The following MAF variants were observed in gnomAD, a reference collection of about 807,000 sequenced individuals.
MAF encodes the protein transcription factor Maf.
In MAF, 10 loss-of-function variants were observed where a neutral mutation model predicts 22.0. That is an observed-to-expected ratio of 0.45 (90% CI 0.28 to 0.77). The LOEUF is 0.77. Ranked by LOEUF, MAF falls within the 30% of genes least tolerant of loss-of-function variation. MAF has a pLI of 0.12. For synonymous variants in MAF, 337 were observed against 255.8 expected, an observed-to-expected ratio of 1.32 and a Z score of -3.03; for missense variants, 544 against 548.4, an observed-to-expected ratio of 0.99 and a Z score of 0.08.
the MAF span, among the ~76,000 whole-genome samples, chr16:79,278,110 A>G: frequency 1.3e-5 from 2 of 152,144 alleles, no homozygotes; most frequent in African/African-American, 4.8e-5. Context: ...CTTTCCTTTC[A>G]ACAGGACACA....
At chr16:79,288,609 G>T in the MAF span, among the ~76,000 whole-genome samples, 2 of 152,340 alleles carry the variant, frequency 1.3e-5, no homozygotes, top group Admixed American at 1.3e-4. Flanking sequence ...TTTTGGGAAG[G>T]TGTTGTTATA....
the MAF span, among the ~76,000 whole-genome samples, chr16:79,275,679 T>C: frequency 6.6e-6 from 1 of 152,220 alleles, no homozygotes; most frequent in African/African-American, 2.4e-5. Flanking sequence ...TGCTGCTTTT[T>C]TTATTTGGAA....
At chr16:79,560,735 A>G in the MAF span, among the ~76,000 whole-genome samples, 11 of 152,248 alleles carry the variant, frequency 7.2e-5, no homozygotes, top group Middle Eastern at 3.4e-3. Context: ...GAAATTGGCT[A>G]CTCATCCAGA....
chr16:79,204,604 C>T, the MAF span: 1 of 152,156 alleles, frequency 6.6e-6, no homozygotes, highest in Non-Finnish European at 1.5e-5. Context: ...GGGCTTCACT[C>T]GTTTCATGGA....
At chr16:79,484,829 A>G in the MAF span, among the ~76,000 whole-genome samples, 3 of 152,262 alleles carry the variant, frequency 2.0e-5, no homozygotes, top group South Asian at 2.1e-4. Flanking sequence ...GTGTGAATGC[A>G]TTTTCACTAA....
the MAF span, among the ~76,000 whole-genome samples, chr16:79,276,089 C>T: frequency 4.0e-5 from 6 of 151,640 alleles, no homozygotes; most frequent in African/African-American, 1.2e-4. Context: ...TGCAGTGAGC[C>T]GAGATCGTGC....
the MAF span, among the ~76,000 whole-genome samples, chr16:79,367,515 T>C: frequency 6.6e-6 from 1 of 152,162 alleles, no homozygotes; most frequent in Non-Finnish European, 1.5e-5. Context: ...CTGATGCTTG[T>C]CAAGTGGTGG....
chr16:79,213,065 G>T, the MAF span, among the ~76,000 whole-genome samples: 1 of 152,206 alleles, frequency 6.6e-6, no homozygotes, highest in African/African-American at 2.4e-5. Context: ...GAGAATGGGA[G>T]CTGTGCAGAA....
chr16:79,334,439 T>A, the MAF span, among the ~76,000 whole-genome samples: 3 of 152,126 alleles, frequency 2.0e-5, no homozygotes, highest in African/African-American at 7.2e-5. Context: ...GGGCGCTGAC[T>A]GAGATTGTGC....
chr16:79,598,618 C>A, intron 1 of MAF, 167 bp downstream of exon 1: 2 of 1,379,396 alleles, frequency 1.4e-6, no homozygotes, highest in Non-Finnish European at 1.9e-6. Flanking sequence ...GTGGTGTGTG[C>A]GTGCGGGTTT....
At chr16:79,330,093 G>A in the MAF span, among the ~76,000 whole-genome samples, 2,509 of 152,184 alleles carry the variant, frequency 0.016, 17 homozygotes, top group Middle Eastern at 0.037. Context: ...TTTTCATACC[G>A]ATTTATTCAA....
chr16:79,522,413 A>T, the MAF span, among the ~76,000 whole-genome samples: 1 of 152,196 alleles, frequency 6.6e-6, no homozygotes, highest in South Asian at 2.1e-4. Flanking sequence ...CAGAGCTGCT[A>T]AAGGAGTTGT....
At chr16:79,353,590 G>T in the MAF span, among the ~76,000 whole-genome samples, 19 of 152,224 alleles carry the variant, frequency 1.2e-4, no homozygotes, top group South Asian at 3.7e-3. Flanking sequence ...AGCACCTGTT[G>T]TATATCATGT....
the MAF span, among the ~76,000 whole-genome samples, chr16:79,476,174 T>C: frequency 6.6e-6 from 1 of 152,096 alleles, no homozygotes; most frequent in Admixed American, 6.5e-5. Flanking sequence ...GGGAGTTCTG[T>C]CAATAACCAC....
chr16:79,372,912 C>T, the MAF span, among the ~76,000 whole-genome samples: 6 of 152,212 alleles, frequency 3.9e-5, no homozygotes, highest in African/African-American at 1.2e-4. Flanking sequence ...CTTTCTAGAA[C>T]ATTCTTTCCT....
chr16:79,216,959 G>A, the MAF span, among the ~76,000 whole-genome samples: 22 of 152,090 alleles, frequency 1.4e-4, no homozygotes, highest in East Asian at 3.9e-4. Flanking sequence ...ACAGGCACCC[G>A]CCACCATGCC....
At chr16:79,478,013 G>T in the MAF span, among the ~76,000 whole-genome samples, 11 of 152,222 alleles carry the variant, frequency 7.2e-5, no homozygotes, top group South Asian at 1.7e-3. Context: ...GAGCCACTGC[G>T]CCTGGCCGTG....
the MAF span, among the ~76,000 whole-genome samples, chr16:79,508,303 G>A: frequency 6.6e-6 from 1 of 152,278 alleles, no homozygotes; most frequent in South Asian, 2.1e-4. Context: ...CTTGGCCAAT[G>A]GGGAGTGTTC....
At chr16:79,298,638 G>A in the MAF span, among the ~76,000 whole-genome samples, 2 of 152,220 alleles carry the variant, frequency 1.3e-5, no homozygotes, top group African/African-American at 4.8e-5. Flanking sequence ...CAAAGACCCA[G>A]GGAAGAACTC....
Sources: allele counts gnomAD v4.1 joint callset (sites outside exome capture counted in the v4.1 genomes callset), GRCh38; gene constraint gnomAD v4.1.1; transcripts MANE v1.5; gene names NCBI Gene and HGNC (gene_info 2026-07-23, HGNC 2026-07-21).